Variants in DDAH1 observed in about 807,000 individuals in gnomAD.
DDAH1 encodes dimethylarginine dimethylaminohydrolase 1.
A neutral mutation model predicts 28.8 loss-of-function variants in DDAH1; 19 were observed. That is an observed-to-expected ratio of 0.66 (90% CI 0.46 to 0.97). The LOEUF is 0.97. Ranked by LOEUF, DDAH1 falls within the 50% of genes least tolerant of loss-of-function variation. The pLI is 0.00. For synonymous variants in DDAH1, 153 were observed against 154.4 expected (o/e 0.99, Z 0.07); for missense variants, 326 against 375.9 (o/e 0.87, Z 1.10).
chr1:85,491,540 C>G (rs1037740426), intron 2 of DDAH1, among the ~76,000 whole-genome samples: 1 of 152,146 alleles, frequency 6.6e-6, no homozygotes, highest in Non-Finnish European at 1.5e-5. Context: ...TGGAAACATA[C>G]ATCAGAAATA....
In DDAH1 at chr1:85,402,920, A is replaced by C. The variant is rs754131519; in HGVS notation, c.304-44073T>G. ...CGAGACTCCATCTCAAAAAAAAAAAAAAAAAACTTCTGACAATTCTCATTT... is the reference window on the plus strand; with the variant it reads ...CGAGACTCCATCTCAAAAAAAAAAACAAAAAACTTCTGACAATTCTCATTT... On this transcript the variant is annotated intron_variant, in intron 1 of 5. Coordinates refer to ENST00000284031, the MANE Select transcript of DDAH1 (RefSeq NM_012137.4). Among the ~76,000 whole-genome samples, 1,228 of 152,042 alleles carry C rather than the reference A, an allele frequency of 8.1e-3. 7 individuals carry two copies. The highest frequency in any genetic ancestry group is 0.017 in the Admixed American group (252 of 15,272).
At position 85,484,000 on chromosome 1, in the gene DDAH1, T is replaced by G. The variant is rs548365472; in HGVS notation, c.-7+12166A>C. 1.3e-4 allele frequency among the ~76,000 whole-genome samples: 20 copies of G among 152,276 alleles called. 1 individual carries two copies. The South Asian group carries it at 3.3e-3, about 25-fold the overall frequency. On this transcript the variant is annotated intron_variant, in intron 2 of 6. Coordinates refer to the DDAH1 transcript ENST00000426972. ...TTGTTTTAACCCCAGGAGGGAAATG[T>G]TATAAACCCAGTTTGCAAAGATTTA... is the stretch of plus-strand genomic sequence containing the variant.
intron 2 of DDAH1, among the ~76,000 whole-genome samples, chr1:85,484,889 A>G (rs1656148746): frequency 6.6e-6 from 1 of 152,196 alleles, no homozygotes; most frequent in Non-Finnish European, 1.5e-5. Flanking sequence ...AAAGCAGGTG[A>G]GCAATTTAAG....
At chr1:85,381,622 C>T (rs1242057646) in intron 1 of DDAH1, among the ~76,000 whole-genome samples, 1 of 151,946 alleles carries the variant, frequency 6.6e-6, no homozygotes. Flanking sequence ...AGTATTTTTC[C>T]TCTGACTGCT....
At chr1:85,574,370 C>G (rs1472130586) in intron 1 of DDAH1, among the ~76,000 whole-genome samples, 2 of 152,244 alleles carry the variant, frequency 1.3e-5, no homozygotes, top group African/African-American at 4.8e-5. Flanking sequence ...AATGCCATGA[C>G]AGCAAGGCCA....
intron 1 of DDAH1, among the ~76,000 whole-genome samples, chr1:85,521,220 A>T (rs1175907762): frequency 3.3e-5 from 5 of 151,742 alleles, no homozygotes; most frequent in African/African-American, 1.2e-4. Context: ...TGGGTGATGC[A>T]GACAGCCACA....
intron 4 of DDAH1, among the ~76,000 whole-genome samples, chr1:85,341,684 G>A (rs1020557402): frequency 6.6e-6 from 1 of 152,082 alleles, no homozygotes; most frequent in South Asian, 2.1e-4. Flanking sequence ...GAGGTGGCGG[G>A]TGCCTGTAGT....
At chr1:85,382,254 A>G (rs1651032364) in intron 1 of DDAH1, among the ~76,000 whole-genome samples, 1 of 152,194 alleles carries the variant, frequency 6.6e-6, no homozygotes, top group African/African-American at 2.4e-5. Flanking sequence ...GATGATATGG[A>G]GAAAGTTTTA....
chr1:85,386,392 G>T lies in DDAH1; in HGVS notation c.304-27545C>A, dbSNP rs541105611. 2.0e-5 allele frequency among the ~76,000 whole-genome samples: 3 copies of T among 152,354 alleles called. No homozygotes were observed. The East Asian group carries it at 5.8e-4, about 29-fold the overall frequency. ...AAAGGGAGGAATTGGACAAAAGAAT[G>T]GGGTAACAAGCCCCATGCAAGTCCA... On this transcript the variant is annotated intron_variant, in intron 1 of 5. Coordinates refer to ENST00000284031, the MANE Select transcript of DDAH1 (RefSeq NM_012137.4).
intron 2 of DDAH1, among the ~76,000 whole-genome samples, chr1:85,358,420 T>C (rs1649597908): frequency 6.6e-6 from 1 of 151,972 alleles, no homozygotes; most frequent in African/African-American, 2.4e-5. Context: ...GAGGCCGAGG[T>C]GTGCAGATCA....
In DDAH1 at chr1:85,361,787, T is replaced by C. The variant is rs116090824; in HGVS notation, c.304-2940A>G. On this transcript the variant is annotated intron_variant, in intron 1 of 5. Transcript: ENST00000284031. The stretch of plus-strand genomic sequence containing the variant: ...AGCTGCTGCAGATCACCTCTGCTGC[T>C]TCCAGTTCTGCTACTTATTAGCCAG... Among the ~76,000 whole-genome samples, 1,028 of 152,304 alleles carry C rather than the reference T, an allele frequency of 6.7e-3. 10 individuals carry two copies. The highest frequency in any genetic ancestry group is 0.024 in the African/African-American group (987 of 41,562).
intron 1 of DDAH1, among the ~76,000 whole-genome samples, chr1:85,555,961 G>A (rs1658947596): frequency 6.6e-6 from 1 of 152,128 alleles, no homozygotes; most frequent in Admixed American, 6.5e-5. Flanking sequence ...CCCAGGACAG[G>A]AAAATGTGCT....
At chr1:85,469,103 C>G (rs900325491), upstream of DDAH1, among the ~76,000 whole-genome samples, 1 of 152,216 alleles carries the variant, frequency 6.6e-6, no homozygotes, top group African/African-American at 2.4e-5. Flanking sequence ...ACCTCTGCTC[C>G]CATTCTTCTG....
chr1:85,521,800 T>C (rs1441118899), intron 1 of DDAH1: 1 of 151,942 alleles, frequency 6.6e-6, no homozygotes, highest in African/African-American at 2.5e-5. Context: ...TTGTATAGAC[T>C]TCCATTTAAG....
chr1:85,385,286 A>T (rs1337785335), intron 1 of DDAH1, among the ~76,000 whole-genome samples: 2 of 152,246 alleles, frequency 1.3e-5, no homozygotes, highest in Non-Finnish European at 2.9e-5. Context: ...AATCAAAAAC[A>T]GATTCAGAAT....
intron 1 of DDAH1, among the ~76,000 whole-genome samples, chr1:85,522,881 C>T (rs481717): frequency 0.99 from 148,323 of 150,438 alleles, 73,162 homozygotes; most frequent in Middle Eastern, 1. Flanking sequence ...CAAACAACAC[C>T]GTCATTTATT....
At position 85,531,269 on chromosome 1, in the gene DDAH1, C is replaced by G. The variant is rs551168789; in HGVS notation, c.-122-34988G>C. Among the ~76,000 whole-genome samples the G allele has an allele frequency of 2.6e-4, 40 of 152,044 alleles. No homozygotes were observed. The South Asian group carries it at 7.5e-3, about 28-fold the overall frequency. On this transcript the variant is annotated intron_variant, in intron 1 of 6. Coordinates refer to the DDAH1 transcript ENST00000426972. ...GGCCTAAACATACTACACATTTAAC[C>G]CCATCTGAGACATAGAGGCCCTTGA... is the stretch of plus-strand genomic sequence containing the variant.
intron 1 of DDAH1, among the ~76,000 whole-genome samples, chr1:85,363,032 T>C (rs1382776762): frequency 2.0e-5 from 3 of 152,236 alleles, no homozygotes; most frequent in Non-Finnish European, 4.4e-5. Flanking sequence ...TAGGAAGCTA[T>C]ATTCATAATA....
chr1:85,525,156 T>C (rs1382740642), intron 1 of DDAH1, among the ~76,000 whole-genome samples: 9 of 151,376 alleles, frequency 5.9e-5, no homozygotes, highest in African/African-American at 1.9e-4. Context: ...ATGCTGGAGA[T>C]GCTGACTTTT....
Sources: gnomAD v4.1 joint callset for allele counts (sites outside exome capture counted in the v4.1 genomes callset) on GRCh38, gnomAD v4.1.1 for gene constraint, MANE v1.5 for transcripts, NCBI Gene and HGNC (gene_info 2026-07-23, HGNC 2026-07-21) for gene names.